PPIP5K2: variants seen among roughly 807,000 people sequenced by gnomAD.
PPIP5K2 encodes the protein diphosphoinositol pentakisphosphate kinase 2.
In PPIP5K2, 105 loss-of-function variants were observed where a neutral mutation model predicts 154.6. That is an observed-to-expected ratio of 0.68 (90% CI 0.58 to 0.80). PPIP5K2 has a LOEUF of 0.80. Among genes scored for constraint, PPIP5K2 ranks in the 30% least tolerant of loss-of-function variants. The pLI, the probability that PPIP5K2 is intolerant of heterozygous loss-of-function variation, is 0.00. For synonymous variants in PPIP5K2, 480 were observed against 490.3 expected, an observed-to-expected ratio of 0.98 and a Z score of 0.28; for missense variants, 992 against 1,504.6, an observed-to-expected ratio of 0.66 and a Z score of 5.64.
rs190395224 is a variant in PPIP5K2 at position 103,201,857 on chromosome 5, A to G, written c.*223A>G. 411 of 470,534 alleles carry G rather than the reference A, an allele frequency of 8.7e-4. 4 individuals are homozygous for G. The East Asian group carries it at 0.015, about 17-fold the overall frequency. The allele number at this position is 470,534 out of a possible 1,614,324, so 29.1% of individuals were successfully genotyped here. A position where few individuals can be genotyped will look rare whatever the true frequency, so the allele number is the denominator to read the frequency against. On this transcript the variant is annotated 3_prime_UTR_variant, in exon 31 of 31. Transcript: ENST00000358359. The stretch of plus-strand genomic sequence containing the variant: ...ATAGTGATAAAAATCGATTGTTGTT[A>G]ATATGATGTTTACCATGTGCACATA...
At chr5:103,124,229 G>A (rs914544952) in intron 1 of PPIP5K2, among the ~76,000 whole-genome samples, 2 of 147,200 alleles carry the variant, frequency 1.4e-5, no homozygotes, top group Non-Finnish European at 3.0e-5. Flanking sequence ...GTAGTGAGCC[G>A]AGATCGTGCC....
rs1554232630 is a variant in PPIP5K2, at chr5:103,212,328, A to T, written c.*10694A>T. On this transcript the variant is annotated 3_prime_UTR_variant, in exon 31 of 31. Coordinates refer to ENST00000358359, the MANE Select transcript of PPIP5K2 (RefSeq NM_001276277.3). ...CTCCCGCAATAGGAAACCACACTGAAGACATTCTCACAATTTAAAACAAGT... is the reference window on the plus strand; with the variant it reads ...CTCCCGCAATAGGAAACCACACTGATGACATTCTCACAATTTAAAACAAGT... 1 of 152,684 alleles carries T rather than the reference A, an allele frequency of 6.5e-6. No individual in the cohort carries two copies. The highest frequency in any genetic ancestry group is 2.4e-5 in the African/African-American group (1 of 41,434). The allele number at this position is 152,684 out of a possible 1,614,324, so 9.5% of individuals were successfully genotyped here.
In PPIP5K2 at chr5:103,172,782, T is replaced by C. The variant is rs557888697; in HGVS notation, c.2287-373T>C. Among the ~76,000 whole-genome samples, 15 of 151,976 alleles carry C rather than the reference T, an allele frequency of 9.9e-5. 1 individual carries two copies. Among genetic ancestry groups the C allele is most frequent in the African/African-American group, 3.6e-4 (15 of 41,524 alleles). ...GAAAAACAGAAATCTCAAGGTTTAA[T>C]TTTTTTCATATATTTATTACATATT... On this transcript the variant is annotated intron_variant, in intron 19 of 30. Transcript: ENST00000358359.
At chr5:103,167,351 A>T in intron 18 of PPIP5K2, 31 bp downstream of exon 18, 1 of 1,477,376 alleles carries the variant, frequency 6.8e-7, no homozygotes, top group Non-Finnish European at 9.0e-7. Flanking sequence ...GCATAGAACA[A>T]ATAAAAGTTA....
intron 30 of PPIP5K2, among the ~76,000 whole-genome samples, chr5:103,200,488 C>T (rs1487198989): frequency 1.3e-5 from 2 of 151,292 alleles, no homozygotes; most frequent in African/African-American, 4.9e-5. Flanking sequence ...GTAGTTCTTC[C>T]TCATATTTAG....
chr5:103,170,470 G>C (rs1483616003), intron 19 of PPIP5K2, among the ~76,000 whole-genome samples: 1 of 151,544 alleles, frequency 6.6e-6, no homozygotes, highest in African/African-American at 2.4e-5. Flanking sequence ...TGACTCTTCA[G>C]ATAAAATTAT....
intron 1 of PPIP5K2, among the ~76,000 whole-genome samples, chr5:103,126,375 GA>G (rs201166636): frequency 1.3e-5 from 2 of 150,708 alleles, no homozygotes; most frequent in African/African-American, 4.9e-5. Context: ...ATACCCTTGG[GA>G]AAAAAAAATC....
chr5:103,171,452 T>C (rs915718039), intron 19 of PPIP5K2, among the ~76,000 whole-genome samples: 2 of 151,548 alleles, frequency 1.3e-5, no homozygotes, highest in Admixed American at 6.6e-5. Flanking sequence ...GAAATCACCA[T>C]AGAAAGCTTT....
At chr5:103,195,460 T>TA (rs1431553611) in intron 30 of PPIP5K2, among the ~76,000 whole-genome samples, 12 of 151,836 alleles carry the variant, frequency 7.9e-5, no homozygotes, top group African/African-American at 2.9e-4. Context: ...TCTCAAGTAT[T>TA]AAAAAAAGAA....
At chr5:103,161,033 T>C (rs1271536547) in intron 17 of PPIP5K2, among the ~76,000 whole-genome samples, 1 of 151,886 alleles carries the variant, frequency 6.6e-6, no homozygotes, top group Non-Finnish European at 1.5e-5. Flanking sequence ...TATGTATACA[T>C]GTGCCATGTT....
chr5:103,187,283 A>T, intron 27 of PPIP5K2, 31 bp from the exon 28 acceptor site: 1 of 1,509,764 alleles, frequency 6.6e-7, no homozygotes, highest in Non-Finnish European at 8.9e-7. Context: ...AGCTGTTACG[A>T]ATTTCAGGTA....
At chr5:103,152,398 A>G (rs929806831) in intron 9 of PPIP5K2, among the ~76,000 whole-genome samples, 30 of 152,044 alleles carry the variant, frequency 2.0e-4, no homozygotes, top group African/African-American at 7.2e-4. Flanking sequence ...CTTTGAATCC[A>G]ATGTTGATTG....
intron 21 of PPIP5K2, among the ~76,000 whole-genome samples, chr5:103,175,368 A>G (rs1466158502): frequency 2.6e-5 from 4 of 152,082 alleles, no homozygotes; most frequent in African/African-American, 9.7e-5. Flanking sequence ...ACATCCTTAC[A>G]TAAGTATGTG....
rs556466453 is a variant in PPIP5K2, at chr5:103,153,149, C to CT, written c.1130+408dup. On this transcript the variant is annotated intron_variant, in intron 10 of 30. Transcript: ENST00000358359. ...TAAATTCATGTCAGTTGACTGAATG[C>CT]TTTTTTTTCACAACTTAGATATTTA... Among the ~76,000 whole-genome samples, 484 of 151,584 alleles carry CT rather than the reference C, an allele frequency of 3.2e-3. 1 individual carries two copies. Among genetic ancestry groups the CT allele is most frequent in the African/African-American group, 0.011 (460 of 41,406 alleles).
At chr5:103,141,547 G>A (rs1333169342) in intron 5 of PPIP5K2, among the ~76,000 whole-genome samples, 3 of 152,162 alleles carry the variant, frequency 2.0e-5, no homozygotes, top group Non-Finnish European at 4.4e-5. Context: ...CGAGTGGCCT[G>A]TTTTGTCAGG....
At chr5:103,123,041 T>C (rs1475104107) in intron 1 of PPIP5K2, among the ~76,000 whole-genome samples, 2 of 152,232 alleles carry the variant, frequency 1.3e-5, no homozygotes, top group Non-Finnish European at 2.9e-5. Context: ...CGGGAGTTTC[T>C]GTGGCTTCAT....
At chr5:103,122,489 A>G (rs1183079849) in intron 1 of PPIP5K2, among the ~76,000 whole-genome samples, 2 of 152,224 alleles carry the variant, frequency 1.3e-5, no homozygotes, top group African/African-American at 4.8e-5. Context: ...TTGAAGAAGG[A>G]AAAAGAAATC....
chr5:103,120,341 A>G lies in PPIP5K2; in HGVS notation c.-432A>G, dbSNP rs1455772445. 1 of 451,442 alleles carries G rather than the reference A, an allele frequency of 2.2e-6. No individual in the cohort carries two copies. Among genetic ancestry groups the G allele is most frequent in the South Asian group, 1.6e-5 (1 of 64,162 alleles). The allele number at this position is 451,442 out of a possible 1,614,324, so 28.0% of individuals were successfully genotyped here. A position where few individuals can be genotyped will look rare whatever the true frequency, so the allele number is the denominator to read the frequency against. ...TCCCTTATGTGGCCCTATAGCTGTT[A>G]CTGAAGGAAGTAGCCTACGTCCACG... On this transcript the variant is annotated 5_prime_UTR_variant, in exon 1 of 31. Transcript: ENST00000358359.
intron 1 of PPIP5K2, among the ~76,000 whole-genome samples, chr5:103,124,708 G>T (rs548820870): frequency 6.6e-6 from 1 of 152,284 alleles, no homozygotes; most frequent in East Asian, 1.9e-4. Flanking sequence ...GGTAGTATTT[G>T]TACAGTATCC....
Sources: allele counts gnomAD v4.1 joint callset (sites outside exome capture counted in the v4.1 genomes callset), GRCh38; gene constraint gnomAD v4.1.1; transcripts MANE v1.5; gene names NCBI Gene and HGNC (gene_info 2026-07-23, HGNC 2026-07-21).